IRX2: variants seen among roughly 807,000 people sequenced by gnomAD.
IRX2 encodes iroquois-class homeodomain protein IRX-2.
IRX2 carries 26 observed loss-of-function variants against 42.9 expected under a neutral mutation model. The ratio of observed to expected loss-of-function variants is 0.61; its 90% CI spans 0.44 to 0.84. The LOEUF (loss-of-function observed/expected upper bound fraction) is 0.84, where lower values mean the gene tolerates loss of function less well. Ranked by LOEUF, IRX2 falls within the 40% of genes least tolerant of loss-of-function variation. The pLI, the probability that IRX2 is intolerant of heterozygous loss-of-function variation, is 0.00. For missense variants in IRX2, 782 were observed against 713.9 expected (o/e 1.10, Z -1.09); for synonymous variants, 424 against 353.9 (o/e 1.20, Z -2.22).
the IRX2 span, among the ~76,000 whole-genome samples, chr5:2,739,230 C>CCCT: frequency 3.3e-5 from 5 of 152,354 alleles, no homozygotes; most frequent in Non-Finnish European, 7.3e-5. Context: ...CCACCCCGAG[C>CCCT]CCGCCGGCCC....
chr5:2,743,362 G>T (rs577181625), downstream of IRX2, among the ~76,000 whole-genome samples: 1 of 152,192 alleles, frequency 6.6e-6, no homozygotes, highest in African/African-American at 2.4e-5. Context: ...ACGGGCGCGG[G>T]AGGCAGCGCC....
At chr5:2,736,499 T>C in the IRX2 span, among the ~76,000 whole-genome samples, 1 of 152,364 alleles carries the variant, frequency 6.6e-6, no homozygotes, top group Middle Eastern at 3.4e-3. Context: ...AAGAAAAATT[T>C]TTTTGGAAAA....
At chr5:2,744,291 A>T (rs1424114062), downstream of IRX2, among the ~76,000 whole-genome samples, 1 of 152,210 alleles carries the variant, frequency 6.6e-6, no homozygotes, top group Non-Finnish European at 1.5e-5. Flanking sequence ...TATCTTCATT[A>T]GAGTGCATGA....
chr5:2,750,938 C>A (rs991029094), intron 1 of IRX2, among the ~76,000 whole-genome samples: 45 of 152,050 alleles, frequency 3.0e-4, no homozygotes, highest in African/African-American at 1.1e-3. Context: ...GCGCGGGGGG[C>A]GCGCGGGTCC....
chr5:2,748,306 C>A, intron 3 of IRX2, 39 bp downstream of exon 3: 1 of 1,373,892 alleles, frequency 7.3e-7, no homozygotes, highest in South Asian at 1.7e-5. Context: ...GGCTGGCTCT[C>A]CCTCCCCTCC....
chr5:2,738,863 G>A, the IRX2 span, among the ~76,000 whole-genome samples: 1 of 152,230 alleles, frequency 6.6e-6, no homozygotes, highest in Non-Finnish European at 1.5e-5. Flanking sequence ...GGAGGGTGAA[G>A]CCAATGGGCC....
Position 2,749,800 on chromosome 5 carries a change from A to G in IRX2, c.250-13T>C. ...CGTAGGGTGCGCCCTGGAACCAACA[A>G]GAGCCTGTGAGTGGAGTATGCGGAG... On this transcript the variant is annotated splice_polypyrimidine_tract_variant and intron_variant, in intron 1 of 3. Coordinates refer to ENST00000302057, the MANE Select transcript of IRX2 (RefSeq NM_033267.5). 1 of 1,585,594 alleles carries G rather than the reference A, an allele frequency of 6.3e-7. No homozygotes were observed. The highest frequency in any genetic ancestry group is 1.1e-5 in the South Asian group (1 of 87,466).
rs534750548 is a variant in IRX2 at position 2,750,434 on chromosome 5, A to C, written c.250-647T>G. On this transcript the variant is annotated intron_variant, in intron 1 of 3. Transcript: ENST00000302057. ...GTCGCGACAACCCCGTAATGGCCTC[A>C]ATCGCCCGTAACGTGCTTCGCCGCG... Among the ~76,000 whole-genome samples the C allele has an allele frequency of 1.3e-3, 195 of 152,274 alleles. 1 individual carries two copies. The highest frequency in any genetic ancestry group is 4.4e-3 in the African/African-American group (184 of 41,558).
At chr5:2,747,768 T>A in intron 3 of IRX2, 152 bp from the exon 4 acceptor site, 1 of 685,050 alleles carries the variant, frequency 1.5e-6, no homozygotes, top group Admixed American at 2.3e-5. Context: ...CTTTTGGTGA[T>A]GGTCCCTAGT....
In IRX2 at chr5:2,751,285, C is replaced by G. The variant is rs760744147; in HGVS notation, c.129G>C (p.Ser43=). 2.1e-6 allele frequency: 3 copies of G among 1,429,748 alleles called. No individual in the cohort carries two copies. The highest frequency in any genetic ancestry group is 1.3e-5 in the South Asian group (1 of 74,600). 88.6% of individuals were successfully genotyped at this position (1,429,748 alleles called of 1,614,324 possible). ...SEELARSASG[S]AFSPYPGSAA... is the part of the protein sequence containing the mutation. ...CCGAGCCCGGGTAGGGGCTGAACGCCGAGCCCGACGCCGAGCGCGCCAGCT... is the reference window on the plus strand; with the variant it reads ...CCGAGCCCGGGTAGGGGCTGAACGCGGAGCCCGACGCCGAGCGCGCCAGCT... The change falls in exon 1 of 4, where the codon TCG becomes TCC. Residue 43 remains serine (S), a synonymous_variant. Transcript: ENST00000302057. This position sits in a 1 kb window ranked among gnomAD's most constrained non-coding sequence, Gnocchi z 4.0.
the IRX2 span, among the ~76,000 whole-genome samples, chr5:2,738,530 G>C: frequency 3.9e-5 from 6 of 151,968 alleles, no homozygotes; most frequent in Admixed American, 1.3e-4. Context: ...CCTCCCGGCC[G>C]CCTCTTTGGT....
chr5:2,750,441 C>G (rs920922163), intron 1 of IRX2, among the ~76,000 whole-genome samples: 1 of 152,206 alleles, frequency 6.6e-6, no homozygotes, highest in Non-Finnish European at 1.5e-5. Context: ...CTCAATCGCC[C>G]GTAACGTGCT....
chr5:2,749,189 G>A, intron 2 of IRX2, 137 bp from the exon 3 acceptor site: 1 of 1,469,506 alleles, frequency 6.8e-7, no homozygotes, highest in East Asian at 2.5e-5. Context: ...CGTGACAGGC[G>A]GAGCCTGACC....
At chr5:2,744,595 C>G (rs1007901457), downstream of IRX2, among the ~76,000 whole-genome samples, 2 of 152,198 alleles carry the variant, frequency 1.3e-5, no homozygotes, top group African/African-American at 4.8e-5. Context: ...CTTTTACCCT[C>G]CAGACCTCAG....
the IRX2 span, among the ~76,000 whole-genome samples, chr5:2,735,946 TA>T: frequency 6.6e-6 from 1 of 152,144 alleles, no homozygotes; most frequent in African/African-American, 2.4e-5. Flanking sequence ...TTGGAACTAT[TA>T]ACCTCAAGGA....
chr5:2,749,426 G>A lies in IRX2; in HGVS notation c.611C>T (p.Pro204Leu). 2 of 1,614,094 alleles carry A rather than the reference G, an allele frequency of 1.2e-6. No homozygotes were observed. The highest frequency in any genetic ancestry group is 8.5e-7 in the Non-Finnish European group (1 of 1,180,016). The change falls in exon 2 of 4, where the codon CCC (proline) becomes CTC (leucine). Residue 204 changes from proline to leucine, a missense_variant. By Grantham distance (98) the Pro-to-Leu change is moderately conservative. Around this residue, in one of 3 missense-constraint regions of IRX2, gnomAD observed 520 missense variants for 437.8 expected, o/e 1.19. Coordinates refer to ENST00000302057, the MANE Select transcript of IRX2 (RefSeq NM_033267.5). ...GDATRSKDES[P>L]DKAQEGTETS... The stretch of plus-strand genomic sequence containing the variant: ...CTCCGTGCCCTCCTGCGCCTTGTCG[G>A]GACTCTCGTCCTTGCTTCTGGTAGC...
chr5:2,749,251 G>A, intron 2 of IRX2, 131 bp downstream of exon 2: 2 of 1,443,776 alleles, frequency 1.4e-6, no homozygotes, highest in Non-Finnish European at 1.8e-6. Flanking sequence ...CGACCCCAGG[G>A]CAATGTGGTG....
rs929713407 is a variant in IRX2, at chr5:2,748,928, A to G, written c.780T>C (p.Tyr260=). 3.8e-6 allele frequency: 6 copies of G among 1,596,364 alleles called. No individual in the cohort carries two copies. The highest frequency in any genetic ancestry group is 5.1e-6 in the Non-Finnish European group (6 of 1,179,264). The part of the protein sequence containing the change: ...CESGSECKDK[Y]DDLEDDEDDD... Reference sequence around the variant, plus strand: ...CGTCCTCGTCGTCCTCCAGGTCGTCATACTTGTCCTTGCACTCCGAGCCCG... The same window carrying G: ...CGTCCTCGTCGTCCTCCAGGTCGTCGTACTTGTCCTTGCACTCCGAGCCCG... The change falls in exon 3 of 4, where the codon TAT becomes TAC. Residue 260 remains tyrosine, a synonymous_variant. Coordinates refer to ENST00000302057, the MANE Select transcript of IRX2 (RefSeq NM_033267.5).
intron 3 of IRX2, 36 bp downstream of exon 3, chr5:2,748,309 T>G (rs2111444684): frequency 3.6e-6 from 5 of 1,373,994 alleles, no homozygotes; most frequent in Non-Finnish European, 9.3e-7. Context: ...TGGCTCTCCC[T>G]CCCCTCCCGG....
Sources: allele counts gnomAD v4.1 joint callset (sites outside exome capture counted in the v4.1 genomes callset), GRCh38; gene constraint gnomAD v4.1.1; regional missense constraint gnomAD v4.1.1; non-coding constraint Gnocchi (gnomAD v3.1); transcripts MANE v1.5; gene names NCBI Gene and HGNC (gene_info 2026-07-23, HGNC 2026-07-21).